The following CPS1 variants were observed in gnomAD, a reference collection of about 807,000 sequenced individuals.
The protein encoded by CPS1 is carbamoyl-phosphate synthase 1.
Under a neutral mutation model 174.6 loss-of-function variants are expected in CPS1, and 109 were observed. The observed-to-expected ratio is 0.62, with a 90% CI of 0.53 to 0.73. CPS1 has a LOEUF of 0.73. CPS1 is among the 30% of genes least tolerant of loss of function. The pLI is 0.00. For missense variants in CPS1, 1,689 were observed against 1,821.9 expected, an observed-to-expected ratio of 0.93 and a Z score of 1.33; for synonymous variants, 637 against 632.0, an observed-to-expected ratio of 1.01 and a Z score of -0.12.
At chr2:210,496,799 T>G (rs1406238290) in intron 1 of CPS1, among the ~76,000 whole-genome samples, 2 of 152,182 alleles carry the variant, frequency 1.3e-5, no homozygotes, top group South Asian at 2.1e-4. Context: ...CACGGCTCAG[T>G]GCCTCACCTT....
At chr2:210,599,678 G>GC in intron 14 of CPS1, 117 bp downstream of exon 14, 1 of 1,121,162 alleles carries the variant, frequency 8.9e-7, no homozygotes, top group Non-Finnish European at 1.3e-6. Context: ...TTCCTCTACT[G>GC]TGTGAGAAAG....
chr2:210,486,914 C>T (rs1694744941), intron 1 of CPS1, among the ~76,000 whole-genome samples: 1 of 152,150 alleles, frequency 6.6e-6, no homozygotes, highest in Non-Finnish European at 1.5e-5. Context: ...TCCACCATAA[C>T]CTCTTACATG....
Position 210,582,619 on chromosome 2 carries a change from T to C in CPS1, c.531T>C (p.Gly177=), listed in dbSNP as rs374019321. 1 of 1,611,584 alleles carries C rather than the reference T, an allele frequency of 6.2e-7. No homozygotes were observed. The highest frequency in any genetic ancestry group is 8.5e-7 in the Non-Finnish European group (1 of 1,177,896). ...RMLTKIIRDK[G]TMLGKIEFEG... ...GTCTAATTTTTTTAATTTGATAGGG[T>C]ACCATGCTTGGGAAGATTGAATTTG... Residue 177 remains glycine, a splice_region_variant and synonymous_variant, in exon 6 of 38, where the codon GGT becomes GGC. Transcript: ENST00000233072.
intron 1 of CPS1, among the ~76,000 whole-genome samples, chr2:210,551,585 T>C (rs546665185): frequency 6.6e-6 from 1 of 152,072 alleles, no homozygotes; most frequent in South Asian, 2.1e-4. Context: ...TTTTTTGTTA[T>C]TCTAGAATAA....
chr2:210,554,893 G>A (rs1299738170), upstream of CPS1, among the ~76,000 whole-genome samples: 1 of 150,606 alleles, frequency 6.6e-6, no homozygotes, highest in Non-Finnish European at 1.5e-5. Context: ...TGAGATCAAG[G>A]CGTAAACTAG....
upstream of CPS1, chr2:210,555,626 T>C (rs1322976609): frequency 4.4e-6 from 2 of 455,640 alleles, no homozygotes; most frequent in Non-Finnish European, 8.8e-6. Context: ...TCATTTTCTG[T>C]CATCTTTTCT....
chr2:210,670,319 T>C lies in CPS1; in HGVS notation c.4101+2035T>C, dbSNP rs546464361. ...TGCATAGTTTCTTCATTACTATATG[T>C]AGGATTTTCATTCATGGTGTTTTTA... On this transcript the variant is annotated intron_variant, in intron 34 of 37. Transcript: ENST00000233072. 5.3e-5 allele frequency among the ~76,000 whole-genome samples: 8 copies of C among 152,268 alleles called. No individual in the cohort carries two copies. In the East Asian group the frequency reaches 1.5e-3, roughly 29 times the overall value.
At chr2:210,567,240 T>C (rs975432053) in intron 1 of CPS1, among the ~76,000 whole-genome samples, 6 of 152,164 alleles carry the variant, frequency 3.9e-5, no homozygotes, top group Non-Finnish European at 8.8e-5. Context: ...GTTTAAAGTA[T>C]ACGTTATCTT....
intron 1 of CPS1, among the ~76,000 whole-genome samples, chr2:210,550,129 C>G (rs1222302861): frequency 6.6e-6 from 1 of 151,920 alleles, no homozygotes. Flanking sequence ...TCCGTATTAC[C>G]TTATCATTTA....
At chr2:210,485,390 C>T (rs1265127160) in intron 1 of CPS1, among the ~76,000 whole-genome samples, 1 of 151,974 alleles carries the variant, frequency 6.6e-6, no homozygotes, top group African/African-American at 2.4e-5. Context: ...TTTCTCACCC[C>T]CAGATTCCCT....
In CPS1 at chr2:210,675,820, C is replaced by T. The variant is rs1370152022; in HGVS notation, c.4254C>T (p.Pro1418=). Residue 1418 remains proline, a synonymous_variant, in exon 36 of 38, where the codon CCC becomes CCT. Coordinates refer to ENST00000233072, the MANE Select transcript of CPS1 (RefSeq NM_001875.5). ...GGCCGTCTCAAGAAGGACAGAATCC[C>T]AGCCTCTCTTCCATCAGAAAGTAAG... The part of the protein sequence containing the change: ...VAWPSQEGQN[P]SLSSIRKLIR... 5 of 1,555,398 alleles carry T rather than the reference C, an allele frequency of 3.2e-6. No homozygotes were observed. Among genetic ancestry groups the T allele is most frequent in the African/African-American group, 1.4e-5 (1 of 73,730 alleles).
At chr2:210,569,615 T>C (rs576639302) in intron 1 of CPS1, among the ~76,000 whole-genome samples, 9 of 152,074 alleles carry the variant, frequency 5.9e-5, no homozygotes, top group African/African-American at 1.7e-4. Context: ...GAGACATTCA[T>C]CCATTTATCT....
At chr2:210,604,160 A>T (rs1271480587) in intron 16 of CPS1, among the ~76,000 whole-genome samples, 2 of 151,860 alleles carry the variant, frequency 1.3e-5, no homozygotes, top group Admixed American at 6.6e-5. Flanking sequence ...AGCTGTGGGG[A>T]CAAATGTGTC....
chr2:210,585,559 C>A (rs976934978), intron 6 of CPS1, among the ~76,000 whole-genome samples: 3 of 151,790 alleles, frequency 2.0e-5, no homozygotes, highest in African/African-American at 7.3e-5. Flanking sequence ...AGATTAAATA[C>A]CTTCTTCAGT....
chr2:210,643,930 A>G (rs1256645345), intron 25 of CPS1, among the ~76,000 whole-genome samples: 1 of 152,146 alleles, frequency 6.6e-6, no homozygotes, highest in Non-Finnish European at 1.5e-5. Flanking sequence ...TATGATAGAC[A>G]GCTGGAAAAA....
chr2:210,584,247 G>A (rs990019100), intron 6 of CPS1, among the ~76,000 whole-genome samples: 2 of 152,084 alleles, frequency 1.3e-5, no homozygotes, highest in Admixed American at 6.6e-5. Context: ...CCCTGTGGAA[G>A]CCTATGTGGC....
intron 1 of CPS1, among the ~76,000 whole-genome samples, chr2:210,486,908 C>A (rs1694744713): frequency 6.6e-6 from 1 of 152,186 alleles, no homozygotes; most frequent in Non-Finnish European, 1.5e-5. Context: ...GGGCACTCCA[C>A]CATAACCTCT....
intron 1 of CPS1, among the ~76,000 whole-genome samples, chr2:210,488,162 CT>C (rs34246636): frequency 0.41 from 61,480 of 149,278 alleles, 14,093 homozygotes; most frequent in Non-Finnish European, 0.53. Flanking sequence ...TTGCATTATC[CT>C]TTTTTTTTTA....
At chr2:210,505,469 A>G (rs936295680) in intron 1 of CPS1, among the ~76,000 whole-genome samples, 3 of 152,120 alleles carry the variant, frequency 2.0e-5, no homozygotes, top group African/African-American at 7.2e-5. Flanking sequence ...TGAGCGACAC[A>G]GAAGACGAAT....
Sources: allele counts gnomAD v4.1 joint callset (sites outside exome capture counted in the v4.1 genomes callset), GRCh38; gene constraint gnomAD v4.1.1; transcripts MANE v1.5; gene names NCBI Gene and HGNC (gene_info 2026-07-23, HGNC 2026-07-21).